ADAMTS12: variants seen among roughly 807,000 people sequenced by gnomAD.
ADAMTS12 encodes A disintegrin and metalloproteinase with thrombospondin motifs 12.
ADAMTS12 carries 118 observed loss-of-function variants against 167.8 expected under a neutral mutation model. The observed-to-expected ratio is 0.70, with a 90% CI of 0.61 to 0.82. The LOEUF (loss-of-function observed/expected upper bound fraction) is 0.82, where lower values mean the gene tolerates loss of function less well. Ranked by LOEUF, ADAMTS12 falls within the 40% of genes least tolerant of loss-of-function variation. The pLI is 0.00. For synonymous variants in ADAMTS12, 704 were observed against 716.9 expected (o/e 0.98, Z 0.29); for missense variants, 1,916 against 1,998.8 (o/e 0.96, Z 0.79).
chr5:33,741,620 C>CT (rs1199645443), intron 3 of ADAMTS12, among the ~76,000 whole-genome samples: 1 of 152,104 alleles, frequency 6.6e-6, no homozygotes, highest in Non-Finnish European at 1.5e-5. Flanking sequence ...AAATGGCTCT[C>CT]TAAGAATCCA....
intron 2 of ADAMTS12, among the ~76,000 whole-genome samples, chr5:33,848,375 C>G (rs1749027029): frequency 6.6e-6 from 1 of 152,160 alleles, no homozygotes; most frequent in Admixed American, 6.5e-5. Context: ...GATAGACAAA[C>G]AAGCGACATA....
Position 33,785,440 on chromosome 5 carries a change from A to G in ADAMTS12, c.490-33892T>C, listed in dbSNP as rs186354817. Among the ~76,000 whole-genome samples, 30 of 152,200 alleles carry G rather than the reference A, an allele frequency of 2.0e-4. No homozygotes were observed. In the East Asian group the frequency reaches 4.2e-3, roughly 22 times the overall value. ...TATCTGACAAAAGACTTGCATTCAG[A>G]GTGTGTGTACATGTGTGTGTGTACG... is the stretch of plus-strand genomic sequence containing the variant. On this transcript the variant is annotated intron_variant, in intron 2 of 23. Transcript: ENST00000504830.
intron 2 of ADAMTS12, among the ~76,000 whole-genome samples, chr5:33,822,152 G>T (rs970758375): frequency 2.0e-5 from 3 of 152,094 alleles, no homozygotes; most frequent in Non-Finnish European, 4.4e-5. Context: ...TTCCACAATT[G>T]AGAGATCCTA....
intron 2 of ADAMTS12, among the ~76,000 whole-genome samples, chr5:33,793,728 T>C (rs555740354): frequency 3.0e-4 from 46 of 152,094 alleles, no homozygotes; most frequent in African/African-American, 9.6e-4. Context: ...CTCACTCAGC[T>C]CCCATGCAAA....
intron 2 of ADAMTS12, among the ~76,000 whole-genome samples, chr5:33,760,740 C>G (rs1235615913): frequency 6.6e-6 from 1 of 152,198 alleles, no homozygotes; most frequent in Non-Finnish European, 1.5e-5. Context: ...AATGACACCA[C>G]CTGAAAATAT....
chr5:33,841,909 G>A (rs1211954107), intron 2 of ADAMTS12, among the ~76,000 whole-genome samples: 1 of 152,154 alleles, frequency 6.6e-6, no homozygotes, highest in Non-Finnish European at 1.5e-5. Flanking sequence ...AGGGCCACAT[G>A]GGTCAATAGG....
At chr5:33,574,011 G>C (rs1746531331) in intron 19 of ADAMTS12, among the ~76,000 whole-genome samples, 1 of 152,150 alleles carries the variant, frequency 6.6e-6, no homozygotes, top group Non-Finnish European at 1.5e-5. Context: ...CATCATCACT[G>C]GCCATCAGAC....
chr5:33,613,431 C>T (rs537580089), intron 16 of ADAMTS12, among the ~76,000 whole-genome samples: 1 of 152,228 alleles, frequency 6.6e-6, no homozygotes, highest in East Asian at 1.9e-4. Context: ...TGCCAGCCTC[C>T]CTTTGCAGTT....
intron 3 of ADAMTS12, among the ~76,000 whole-genome samples, chr5:33,688,533 A>G (rs1016413158): frequency 1.3e-5 from 2 of 152,108 alleles, no homozygotes; most frequent in African/African-American, 4.8e-5. Context: ...ACAAAGCTCT[A>G]TTTAGGGATT....
At chr5:33,886,418 C>T (rs1449657299) in intron 1 of ADAMTS12, among the ~76,000 whole-genome samples, 1 of 152,154 alleles carries the variant, frequency 6.6e-6, no homozygotes, top group Non-Finnish European at 1.5e-5. Context: ...ATAAGGAAAC[C>T]GAATGTAGGA....
intron 5 of ADAMTS12, among the ~76,000 whole-genome samples, chr5:33,664,633 T>C (rs911145883): frequency 6.6e-6 from 1 of 152,026 alleles, no homozygotes; most frequent in African/African-American, 2.4e-5. Flanking sequence ...GTGGCTACTA[T>C]CAAAAAGATG....
At chr5:33,659,515 T>G (rs1272046090) in intron 6 of ADAMTS12, among the ~76,000 whole-genome samples, 1 of 152,196 alleles carries the variant, frequency 6.6e-6, no homozygotes, top group Non-Finnish European at 1.5e-5. Context: ...ATCCCCTGAC[T>G]TTCTCATTTT....
chr5:33,562,745 C>T (rs1226185244), intron 19 of ADAMTS12, among the ~76,000 whole-genome samples: 1 of 151,958 alleles, frequency 6.6e-6, no homozygotes, highest in Non-Finnish European at 1.5e-5. Context: ...AATTCTCCTG[C>T]CCCAGCCACC....
chr5:33,868,206 A>G (rs941909298), intron 2 of ADAMTS12, among the ~76,000 whole-genome samples: 6 of 152,224 alleles, frequency 3.9e-5, no homozygotes, highest in Non-Finnish European at 5.9e-5. Flanking sequence ...AATATAGAAA[A>G]TTGGTACTTA....
At chr5:33,826,452 A>G (rs867604559) in intron 2 of ADAMTS12, among the ~76,000 whole-genome samples, 1 of 152,162 alleles carries the variant, frequency 6.6e-6, no homozygotes. Flanking sequence ...ATTTGCATAT[A>G]CATATGTATG....
chr5:33,874,793 G>A (rs1415181832), intron 2 of ADAMTS12, among the ~76,000 whole-genome samples: 1 of 152,194 alleles, frequency 6.6e-6, no homozygotes, highest in Non-Finnish European at 1.5e-5. Context: ...CAGGGGGCTG[G>A]GTGCAGTGGC....
intron 2 of ADAMTS12, among the ~76,000 whole-genome samples, chr5:33,873,166 T>TAAA (rs77165421): frequency 8.3e-6 from 1 of 120,836 alleles, no homozygotes; most frequent in Admixed American, 8.4e-5. Flanking sequence ...TATGTAGATT[T>TAAA]AAAAAAAAAA....
intron 2 of ADAMTS12, among the ~76,000 whole-genome samples, chr5:33,847,215 T>C (rs1463552831): frequency 6.7e-6 from 1 of 148,442 alleles, no homozygotes; most frequent in East Asian, 2.0e-4. Context: ...CTCAGAGATA[T>C]GTGGATCTTC....
At chr5:33,624,373 G>A (rs1157435992) in intron 13 of ADAMTS12, 22 bp from the exon 14 acceptor site, 1 of 1,613,566 alleles carries the variant, frequency 6.2e-7, no homozygotes, top group East Asian at 2.2e-5. Flanking sequence ...AGAGGTGGAG[G>A]ATGAATGCCC....
Sources: gnomAD v4.1 joint callset for allele counts (sites outside exome capture counted in the v4.1 genomes callset) on GRCh38, gnomAD v4.1.1 for gene constraint, MANE v1.5 for transcripts, NCBI Gene and HGNC (gene_info 2026-07-23, HGNC 2026-07-21) for gene names.